ALK: variants seen among roughly 807,000 people sequenced by gnomAD.
The protein encoded by ALK is ALK tyrosine kinase receptor.
In ALK, 74 loss-of-function variants were observed where a neutral mutation model predicts 163.1. The ratio of observed to expected loss-of-function variants is 0.45; its 90% CI spans 0.38 to 0.55. The LOEUF (loss-of-function observed/expected upper bound fraction) is 0.55. ALK is among the 20% of genes least tolerant of loss of function. The pLI is 0.00. For synonymous variants in ALK, 960 were observed against 843.2 expected (o/e 1.14, Z -2.40); for missense variants, 2,063 against 2,105.3 (o/e 0.98, Z 0.39).
At chr2:29,229,296 G>T (rs925707231) in intron 15 of ALK, among the ~76,000 whole-genome samples, 1 of 152,156 alleles carries the variant, frequency 6.6e-6, no homozygotes, top group Non-Finnish European at 1.5e-5. Context: ...AGATGAGAGC[G>T]TGCCTTGTAC....
rs751792416 is a variant in ALK at position 29,831,070 on chromosome 2, GGGAGGAGGAGGAGGA to G, written c.667+88908_667+88922del. 2.3e-3 allele frequency among the ~76,000 whole-genome samples: 55 copies of G among 23,532 alleles called. 4 individuals are homozygous for G. Among genetic ancestry groups the G allele is most frequent in the African/African-American group, 7.1e-3 (46 of 6,464 alleles). 15.4% of individuals were successfully genotyped at this position (23,532 alleles called of 152,430 possible). On this transcript the variant is annotated intron_variant, in intron 1 of 28. Coordinates refer to ENST00000389048, the MANE Select transcript of ALK (RefSeq NM_004304.5). ...GAAGGAGAAGAGGAAGGGGAGGAAG[GGGAGGAGGAGGAGGA>G]GGAGGAGGAGGAGGAGGAGGAGGAG...
intron 20 of ALK, 52 bp downstream of exon 20, chr2:29,223,290 T>C (rs2148170445): frequency 1.3e-6 from 2 of 1,599,096 alleles, no homozygotes; most frequent in Non-Finnish European, 1.7e-6. Context: ...GTGATAACAT[T>C]CAGCCCCTAC....
At chr2:29,264,513 C>T (rs976699305) in intron 11 of ALK, among the ~76,000 whole-genome samples, 2 of 152,238 alleles carry the variant, frequency 1.3e-5, no homozygotes, top group African/African-American at 2.4e-5. Flanking sequence ...TTGCTTTCTG[C>T]ACTAGCACAT....
chr2:29,815,186 A>C (rs1470885522), intron 1 of ALK, among the ~76,000 whole-genome samples: 1 of 151,568 alleles, frequency 6.6e-6, no homozygotes. Context: ...GCAACATTGG[A>C]TAAGTTCTTA....
rs184058099 is a variant in ALK, at chr2:29,228,297, C to T, written c.2815+587G>A. Among the ~76,000 whole-genome samples, 110 of 152,308 alleles carry T rather than the reference C, an allele frequency of 7.2e-4. 1 individual carries two copies. The East Asian group carries it at 0.017, about 23-fold the overall frequency. On this transcript the variant is annotated intron_variant, in intron 16 of 28. Transcript: ENST00000389048. ...TGCATTCGTCCTAATCTGTGGGGAGCGGGGAGCCATCGTCTCCCAGCCTCT... is the reference window on the plus strand; with the variant it reads ...TGCATTCGTCCTAATCTGTGGGGAGTGGGGAGCCATCGTCTCCCAGCCTCT...
rs372030764 is a variant in ALK at position 29,219,913 on chromosome 2, T to G, written c.3645+793A>C. 5.3e-5 allele frequency among the ~76,000 whole-genome samples: 8 copies of G among 152,334 alleles called. No individual in the cohort carries two copies. The East Asian group carries it at 1.5e-3, about 29-fold the overall frequency. ...CCTTCCTAAATATACGGTTGGAATGTCCAGGTATTATTATCCCTACTTGAG... is the reference window on the plus strand; with the variant it reads ...CCTTCCTAAATATACGGTTGGAATGGCCAGGTATTATTATCCCTACTTGAG... On this transcript the variant is annotated intron_variant, in intron 23 of 28. Transcript: ENST00000389048.
chr2:29,365,626 G>T (rs1235525432), intron 5 of ALK, among the ~76,000 whole-genome samples: 1 of 152,194 alleles, frequency 6.6e-6, no homozygotes, highest in Admixed American at 6.5e-5. Context: ...ATAATTTGGT[G>T]TAAAACTAAA....
At chr2:29,278,795 C>T (rs150540920) in intron 9 of ALK, among the ~76,000 whole-genome samples, 10 of 152,328 alleles carry the variant, frequency 6.6e-5, no homozygotes, top group East Asian at 1.9e-4. Flanking sequence ...CTGCCTGGCT[C>T]GCCTGCACAT....
intron 1 of ALK, among the ~76,000 whole-genome samples, chr2:29,739,493 G>C (rs1679991503): frequency 6.6e-6 from 1 of 150,752 alleles, no homozygotes; most frequent in Non-Finnish European, 1.5e-5. Flanking sequence ...GGGAGGCAGA[G>C]ATTGCAGTGA....
At chr2:29,498,415 G>A (rs1392116986) in intron 4 of ALK, among the ~76,000 whole-genome samples, 2 of 152,044 alleles carry the variant, frequency 1.3e-5, no homozygotes, top group Non-Finnish European at 2.9e-5. Context: ...TGGTATGTGG[G>A]TGGAGGGCCT....
chr2:29,919,514 G>C (rs1420149839), intron 1 of ALK, among the ~76,000 whole-genome samples: 9 of 152,210 alleles, frequency 5.9e-5, no homozygotes, highest in Non-Finnish European at 1.0e-4. Context: ...AATGGGGACA[G>C]TTGGGTGAGA....
Position 29,832,035 on chromosome 2 carries a change from A to C in ALK, c.667+87958T>G, listed in dbSNP as rs373044746. On this transcript the variant is annotated intron_variant, in intron 1 of 28. Transcript: ENST00000389048. Reference sequence around the variant, plus strand: ...GAAGAACCTCTAGCAACAGGAAAGGAATCTTGAGTACAGGTGAGTCTTCAC... The same window carrying C: ...GAAGAACCTCTAGCAACAGGAAAGGCATCTTGAGTACAGGTGAGTCTTCAC... Among the ~76,000 whole-genome samples, 38 of 152,314 alleles carry C rather than the reference A, an allele frequency of 2.5e-4. No individual in the cohort carries two copies. The East Asian group carries it at 5.8e-3, about 23-fold the overall frequency.
At chr2:29,917,400 T>C (rs180727974) in intron 1 of ALK, among the ~76,000 whole-genome samples, 2 of 152,300 alleles carry the variant, frequency 1.3e-5, no homozygotes, top group Admixed American at 1.3e-4. Flanking sequence ...AATCAGAGCC[T>C]ATATAAAAAT....
chr2:29,590,191 C>T (rs886334816), intron 3 of ALK, among the ~76,000 whole-genome samples: 6 of 152,158 alleles, frequency 3.9e-5, no homozygotes, highest in African/African-American at 7.2e-5. Context: ...TTCCTAATCA[C>T]GCAACTATTT....
At chr2:29,919,879 T>C (rs1667940665) in intron 1 of ALK, 114 bp downstream of exon 1, 2 of 1,311,298 alleles carry the variant, frequency 1.5e-6, no homozygotes, top group Non-Finnish European at 2.1e-6. Context: ...AGGAGGGCGA[T>C]GAAGCAGAGC....
At chr2:29,207,909 C>A in intron 25 of ALK, 1 of 355,376 alleles carries the variant, frequency 2.8e-6, no homozygotes. Context: ...AACTCATCTG[C>A]CTGTTAGGCC....
intron 24 of ALK, 38 bp downstream of exon 24, chr2:29,213,946 G>T (rs993459690): frequency 1.3e-6 from 2 of 1,555,478 alleles, no homozygotes; most frequent in Non-Finnish European, 1.8e-6. Context: ...ACAGATCAGC[G>T]ACAGGATGAC....
At chr2:29,380,106 T>C (rs1038938921) in intron 5 of ALK, among the ~76,000 whole-genome samples, 4 of 81,012 alleles carry the variant, frequency 4.9e-5, no homozygotes, top group Non-Finnish European at 6.2e-5. Flanking sequence ...TGCTGCACAC[T>C]TTTTTTTTTT....
intron 5 of ALK, among the ~76,000 whole-genome samples, chr2:29,347,478 C>G (rs1206273633): frequency 1.3e-5 from 2 of 152,216 alleles, no homozygotes; most frequent in Non-Finnish European, 2.9e-5. Flanking sequence ...GGCTCATACT[C>G]TGAGCTGCTG....
Sources: gnomAD v4.1 joint callset for allele counts (sites outside exome capture counted in the v4.1 genomes callset) on GRCh38, gnomAD v4.1.1 for gene constraint, MANE v1.5 for transcripts, NCBI Gene and HGNC (gene_info 2026-07-23, HGNC 2026-07-21) for gene names.